The following PCDHA13 variants were observed in gnomAD, a reference collection of about 807,000 sequenced individuals.
PCDHA13 encodes protocadherin alpha-13.
PCDHA13 carries 54 observed loss-of-function variants against 64.8 expected under a neutral mutation model. The ratio of observed to expected loss-of-function variants is 0.83; its 90% CI spans 0.67 to 1.04. PCDHA13 has a LOEUF of 1.04. Among genes scored for constraint, PCDHA13 ranks in the 50% least tolerant of loss-of-function variants. The pLI is 0.00. For missense variants in PCDHA13, 1,248 were observed against 1,254.3 expected, an observed-to-expected ratio of 0.99 and a Z score of 0.08; for synonymous variants, 587 against 564.4, an observed-to-expected ratio of 1.04 and a Z score of -0.57.
At position 140,884,305 on chromosome 5, in the gene PCDHA13, G is replaced by C; in HGVS notation, c.2037G>C (p.Ser679=). The change falls in exon 1 of 4, where the codon TCG becomes TCC. Residue 679 remains serine (S), a synonymous_variant. Transcript: ENST00000289272. ...AGAGCGGCCAAGCGCCACAGGCTTC[G>C]TCGAGGGCGTCGGCAGGCGCTGTGG... is the stretch of plus-strand genomic sequence containing the variant. The part of the protein sequence containing the change: ...LVESGQAPQA[S]SRASAGAVGP... The C allele has an allele frequency of 6.2e-7, 1 of 1,613,720 alleles. No homozygotes were observed. The highest frequency in any genetic ancestry group is 1.3e-5 in the African/African-American group (1 of 75,042).
intron 1 of PCDHA13, among the ~76,000 whole-genome samples, chr5:140,891,677 TTCTC>T (rs1335607297): frequency 2.6e-5 from 4 of 152,240 alleles, no homozygotes; most frequent in African/African-American, 9.6e-5. Context: ...AGTTTAATAA[TTCTC>T]TCTTCTTGCT....
chr5:140,987,790 A>AT (rs1409478213), intron 3 of PCDHA13, among the ~76,000 whole-genome samples: 3 of 152,100 alleles, frequency 2.0e-5, no homozygotes, highest in Admixed American at 6.6e-5. Context: ...TATAGAGAAG[A>AT]TTTTTTTAAA....
intron 1 of PCDHA13, among the ~76,000 whole-genome samples, chr5:140,898,157 G>T (rs1455235992): frequency 2.6e-5 from 4 of 152,162 alleles, no homozygotes; most frequent in African/African-American, 7.2e-5. Flanking sequence ...CACGCTGATG[G>T]TGGTTTCTTT....
chr5:140,908,050 G>A (rs1554193217), intron 1 of PCDHA13, among the ~76,000 whole-genome samples: 1 of 152,120 alleles, frequency 6.6e-6, no homozygotes, highest in African/African-American at 2.4e-5. Context: ...TGCACATCCG[G>A]CCATTTCTCC....
At chr5:140,909,561 C>G (rs1281989854) in intron 1 of PCDHA13, among the ~76,000 whole-genome samples, 1 of 152,110 alleles carries the variant, frequency 6.6e-6, no homozygotes, top group Non-Finnish European at 1.5e-5. Flanking sequence ...TCTCTGCAAC[C>G]CATCCAGAGA....
intron 1 of PCDHA13, among the ~76,000 whole-genome samples, chr5:140,939,802 A>C (rs1347672258): frequency 6.6e-6 from 1 of 152,220 alleles, no homozygotes; most frequent in Admixed American, 6.5e-5. Context: ...AATGTTCTGC[A>C]TGTTCAAGAA....
In PCDHA13 at chr5:140,925,899, G is replaced by T. The variant is rs149135478; in HGVS notation, c.2394+41237G>T. ...TATAACCTCCTCTTTCACCCAGATC[G>T]TCAAGGGCCGTTTGCAAAGCACTCC... is the stretch of plus-strand genomic sequence containing the variant. On this transcript the variant is annotated intron_variant, in intron 1 of 3. Transcript: ENST00000289272. Among the ~76,000 whole-genome samples, 277 of 151,958 alleles carry T rather than the reference G, an allele frequency of 1.8e-3. 3 individuals carry two copies. The highest frequency in any genetic ancestry group is 6.4e-3 in the African/African-American group (264 of 41,382).
At chr5:140,950,580 C>T (rs2094499075) in intron 1 of PCDHA13, among the ~76,000 whole-genome samples, 1 of 151,958 alleles carries the variant, frequency 6.6e-6, no homozygotes, top group South Asian at 2.1e-4. Context: ...TTTCTACTTA[C>T]CTTTGGTTTA....
At chr5:140,970,408 A>G (rs1292683019) in intron 1 of PCDHA13, among the ~76,000 whole-genome samples, 1 of 152,202 alleles carries the variant, frequency 6.6e-6, no homozygotes, top group Admixed American at 6.5e-5. Context: ...GGCTTACCCT[A>G]CAGTAAGGTG....
intron 1 of PCDHA13, among the ~76,000 whole-genome samples, chr5:140,897,927 C>T (rs2066407931): frequency 6.6e-6 from 1 of 152,196 alleles, no homozygotes. Context: ...ATTTGCGTTT[C>T]TCTGATGGCC....
In PCDHA13 at chr5:141,010,583, G is replaced by A. The variant is rs1186884021; in HGVS notation, c.*646G>A. The A allele has an allele frequency of 4.1e-5, 10 of 242,992 alleles. No individual in the cohort carries two copies. The highest frequency in any genetic ancestry group is 3.6e-4 in the Admixed American group (7 of 19,606). 15.1% of individuals were successfully genotyped at this position (242,992 alleles called of 1,614,324 possible). A position where few individuals can be genotyped will look rare whatever the true frequency, so the allele number is the denominator to read the frequency against. The stretch of plus-strand genomic sequence containing the variant: ...TGACAAGGCTTTAGGAGACCCTAAA[G>A]TCTGTTGGCTGTGACGTCATTATAC... On this transcript the variant is annotated 3_prime_UTR_variant, in exon 4 of 4. Coordinates refer to ENST00000289272, the MANE Select transcript of PCDHA13 (RefSeq NM_018904.3).
intron 3 of PCDHA13, among the ~76,000 whole-genome samples, chr5:140,992,214 C>G (rs2097499658): frequency 6.6e-6 from 1 of 152,152 alleles, no homozygotes; most frequent in Non-Finnish European, 1.5e-5. Flanking sequence ...ATAAACTACT[C>G]TCCCTTCCTG....
chr5:140,978,806 C>G (rs1554239758), intron 1 of PCDHA13, 143 bp from the exon 2 acceptor site: 2 of 1,492,474 alleles, frequency 1.3e-6, no homozygotes, highest in Non-Finnish European at 1.8e-6. Context: ...TAGATATCAT[C>G]ATAGAGTTAC....
At chr5:140,894,506 A>G (rs533835142) in intron 1 of PCDHA13, among the ~76,000 whole-genome samples, 2 of 151,922 alleles carry the variant, frequency 1.3e-5, no homozygotes, top group Non-Finnish European at 2.9e-5. Flanking sequence ...GGCATTATCC[A>G]TAGTGTTTAT....
chr5:140,898,338 C>G (rs2066670384), intron 1 of PCDHA13, among the ~76,000 whole-genome samples: 2 of 152,188 alleles, frequency 1.3e-5, no homozygotes, highest in African/African-American at 2.4e-5. Flanking sequence ...ACGTTTAAGT[C>G]TTTAATCCAT....
At chr5:141,009,001 A>G (rs1373262105) in intron 3 of PCDHA13, among the ~76,000 whole-genome samples, 1 of 152,246 alleles carries the variant, frequency 6.6e-6, no homozygotes, top group East Asian at 1.9e-4. Flanking sequence ...TAAAAGGAGC[A>G]TATTTTGCCT....
chr5:141,001,017 A>G (rs1414857051), intron 3 of PCDHA13, among the ~76,000 whole-genome samples: 2 of 152,240 alleles, frequency 1.3e-5, no homozygotes, highest in Admixed American at 1.3e-4. Flanking sequence ...TTAGATATAC[A>G]CTTATAATAA....
intron 1 of PCDHA13, among the ~76,000 whole-genome samples, chr5:140,947,308 A>G (rs1554218155): frequency 1.3e-5 from 2 of 151,606 alleles, no homozygotes; most frequent in Non-Finnish European, 3.0e-5. Context: ...ACATCTTTGT[A>G]AAAAGTCGGT....
chr5:141,000,734 T>A (rs1221425075), intron 3 of PCDHA13, among the ~76,000 whole-genome samples: 4 of 150,588 alleles, frequency 2.7e-5, no homozygotes, highest in Non-Finnish European at 4.4e-5. Flanking sequence ...GGCCCCTATC[T>A]CTGTATATTA....
Sources: gnomAD v4.1 joint callset for allele counts (sites outside exome capture counted in the v4.1 genomes callset) on GRCh38, gnomAD v4.1.1 for gene constraint, MANE v1.5 for transcripts, NCBI Gene and HGNC (gene_info 2026-07-23, HGNC 2026-07-21) for gene names.